RALGPS2: variants seen among roughly 807,000 people sequenced by gnomAD.
RALGPS2 encodes the protein ras-specific guanine nucleotide-releasing factor RalGPS2.
Under a neutral mutation model 86.8 loss-of-function variants are expected in RALGPS2, and 43 were observed. That is an observed-to-expected ratio of 0.50 (90% CI 0.39 to 0.64). RALGPS2 has a LOEUF of 0.64. Among genes scored for constraint, RALGPS2 ranks in the 30% least tolerant of loss-of-function variants. RALGPS2 has a pLI of 0.00. For missense variants in RALGPS2, 536 were observed against 694.6 expected, an observed-to-expected ratio of 0.77 and a Z score of 2.57; for synonymous variants, 243 against 231.3, an observed-to-expected ratio of 1.05 and a Z score of -0.46.
chr1:178,744,817 C>CAAAAAAA (rs148175568), intron 1 of RALGPS2, among the ~76,000 whole-genome samples: 7 of 65,998 alleles, frequency 1.1e-4, no homozygotes, highest in Admixed American at 2.0e-4. Flanking sequence ...GACTCCATCT[C>CAAAAAAA]AAAAAAAAAA....
intron 8 of RALGPS2, among the ~76,000 whole-genome samples, chr1:178,840,501 A>C (rs1414392430): frequency 6.6e-6 from 1 of 152,212 alleles, no homozygotes; most frequent in African/African-American, 2.4e-5. Context: ...CATTTAAAGC[A>C]GTGTGTAGAG....
intron 6 of RALGPS2, among the ~76,000 whole-genome samples, chr1:178,820,509 G>A (rs1655445478): frequency 1.3e-5 from 2 of 152,080 alleles, no homozygotes; most frequent in South Asian, 4.1e-4. Flanking sequence ...TCACTCTCAA[G>A]TGTCATTTCT....
At chr1:178,809,536 C>T (rs1242014222) in intron 5 of RALGPS2, among the ~76,000 whole-genome samples, 2 of 151,674 alleles carry the variant, frequency 1.3e-5, no homozygotes, top group African/African-American at 4.8e-5. Flanking sequence ...TAAAAAAAAA[C>T]AGTTTGTTAT....
intron 8 of RALGPS2, among the ~76,000 whole-genome samples, chr1:178,863,485 C>G (rs973266309): frequency 6.6e-6 from 1 of 152,170 alleles, no homozygotes; most frequent in African/African-American, 2.4e-5. Flanking sequence ...TTGTTTGAAT[C>G]TAGGAAGTCA....
intron 2 of RALGPS2, among the ~76,000 whole-genome samples, chr1:178,780,303 C>G (rs1012341459): frequency 6.6e-6 from 1 of 152,120 alleles, no homozygotes; most frequent in Non-Finnish European, 1.5e-5. Context: ...GGATCCAGTA[C>G]TTTTCTCCTT....
chr1:178,885,148 C>T lies in RALGPS2; in HGVS notation c.977C>T (p.Thr326Ile). ...GCTGAAGGAGCCTTGCTCCCACAGA[C>T]ACCGCCATCCCCTCGGAATCTGATT... ...VAAEGALLPQ[T>I]PPSPRNLIPH... is the part of the protein sequence containing the mutation. The change falls in exon 12 of 20, where the codon ACA becomes ATA. Residue 326 changes from threonine (T) to isoleucine (I), a missense_variant. By Grantham distance (89) the Thr-to-Ile change is moderately conservative (BLOSUM62 -1). Transcript: ENST00000367635. 1.2e-6 allele frequency: 2 copies of T among 1,613,812 alleles called. No homozygotes were observed. Among genetic ancestry groups the T allele is most frequent in the Non-Finnish European group, 1.7e-6 (2 of 1,179,874 alleles).
At chr1:178,776,933 A>G (rs776481998) in intron 2 of RALGPS2, 112 bp downstream of exon 2, 106 of 781,496 alleles carry the variant, frequency 1.4e-4, no homozygotes, top group Non-Finnish European at 1.8e-4. Flanking sequence ...GCAGAAATAC[A>G]CATTTCCTTT....
At chr1:178,826,387 G>T (rs898657900) in intron 7 of RALGPS2, among the ~76,000 whole-genome samples, 11 of 152,132 alleles carry the variant, frequency 7.2e-5, no homozygotes, top group African/African-American at 2.7e-4. Flanking sequence ...ATGAAATCTT[G>T]ATACATGCTG....
intron 10 of RALGPS2, 95 bp downstream of exon 10, chr1:178,879,087 C>A: frequency 6.7e-7 from 1 of 1,490,708 alleles, no homozygotes; most frequent in East Asian, 2.5e-5. Context: ...TACATGGTAT[C>A]ATACAAAGGA....
rs556576478 is a variant in RALGPS2, at chr1:178,751,326, T to C, written c.-83-25356T>C. Among the ~76,000 whole-genome samples the C allele has an allele frequency of 9.9e-5, 15 of 152,256 alleles. No homozygotes were observed. The South Asian group carries it at 3.1e-3, about 32-fold the overall frequency. On this transcript the variant is annotated intron_variant, in intron 1 of 19. Coordinates refer to ENST00000367635, the MANE Select transcript of RALGPS2 (RefSeq NM_152663.5). ...AAGACTCATCTCAGATACCAGATTCTCTGTGAAGATATTCCTGACATCTCT... is the reference window on the plus strand; with the variant it reads ...AAGACTCATCTCAGATACCAGATTCCCTGTGAAGATATTCCTGACATCTCT...
intron 7 of RALGPS2, among the ~76,000 whole-genome samples, chr1:178,826,296 C>T (rs903730118): frequency 6.6e-6 from 1 of 151,884 alleles, no homozygotes; most frequent in Non-Finnish European, 1.5e-5. Context: ...TAGAAACAAC[C>T]CAAACATCTA....
chr1:178,809,333 G>A (rs144931850), intron 5 of RALGPS2, among the ~76,000 whole-genome samples: 10 of 151,894 alleles, frequency 6.6e-5, no homozygotes, highest in Admixed American at 6.5e-5. Flanking sequence ...ATGGAGGAGC[G>A]GAGAGGTGTG....
intron 1 of RALGPS2, among the ~76,000 whole-genome samples, chr1:178,753,961 A>G (rs922640169): frequency 3.9e-5 from 6 of 151,906 alleles, no homozygotes; most frequent in African/African-American, 1.5e-4. Context: ...CCTCCCGAGT[A>G]GTTGGGACTA....
chr1:178,780,695 C>A (rs1653348941), intron 2 of RALGPS2, among the ~76,000 whole-genome samples: 1 of 152,090 alleles, frequency 6.6e-6, no homozygotes. Flanking sequence ...CATAACTTTG[C>A]CTATACCAAT....
chr1:178,894,234 C>A, intron 16 of RALGPS2: 1 of 379,812 alleles, frequency 2.6e-6, no homozygotes, highest in South Asian at 6.2e-5. Context: ...AACCAAATTA[C>A]CATCATTTGG....
intron 4 of RALGPS2, among the ~76,000 whole-genome samples, chr1:178,790,927 A>G (rs1653921867): frequency 6.6e-6 from 1 of 152,208 alleles, no homozygotes; most frequent in South Asian, 2.1e-4. Context: ...GGATAAAGGA[A>G]TTCTTATTGT....
At chr1:178,870,743 T>C (rs1242262166) in intron 8 of RALGPS2, 1 of 152,148 alleles carries the variant, frequency 6.6e-6, no homozygotes, top group Non-Finnish European at 1.5e-5. Context: ...TTAAATACCT[T>C]TTTGTGTCTG....
intron 1 of RALGPS2, among the ~76,000 whole-genome samples, chr1:178,756,223 A>C (rs916259655): frequency 6.6e-6 from 1 of 152,126 alleles, no homozygotes; most frequent in African/African-American, 2.4e-5. Context: ...CTTAGTCATA[A>C]GTTATTTCCC....
rs1049732843 is a variant in RALGPS2 at position 178,919,946 on chromosome 1, G to A, written c.*3587G>A. 6.6e-6 allele frequency: 1 copy of A among 152,040 alleles called. No homozygotes were observed. Among genetic ancestry groups the A allele is most frequent in the African/African-American group, 2.4e-5 (1 of 41,438 alleles). The allele number at this position is 152,040 out of a possible 1,614,324, so 9.4% of individuals were successfully genotyped here. A position where few individuals can be genotyped will look rare whatever the true frequency, so the allele number is the denominator to read the frequency against. On this transcript the variant is annotated 3_prime_UTR_variant, in exon 20 of 20. Transcript: ENST00000367635. ...GGAAGATGAGTTTAACTGTGTCCAG[G>A]TGGAGTAATAGTACTGCTGTTGCAT...
Sources: allele counts gnomAD v4.1 joint callset (sites outside exome capture counted in the v4.1 genomes callset), GRCh38; gene constraint gnomAD v4.1.1; transcripts MANE v1.5; gene names NCBI Gene and HGNC (gene_info 2026-07-23, HGNC 2026-07-21).